Variants in FLI1 observed in about 807,000 individuals in gnomAD.
FLI1 encodes Fli-1 proto-oncogene, ETS transcription factor.
A neutral mutation model predicts 53.1 loss-of-function variants in FLI1; 13 were observed. The observed-to-expected ratio is 0.24, with a 90% CI of 0.16 to 0.39. FLI1 has a LOEUF of 0.39. Among genes scored for constraint, FLI1 ranks in the 10% least tolerant of loss-of-function variants. FLI1 has a pLI of 1.00. For synonymous variants in FLI1, 244 were observed against 236.7 expected, an observed-to-expected ratio of 1.03 and a Z score of -0.28; for missense variants, 424 against 600.5, an observed-to-expected ratio of 0.71 and a Z score of 3.07.
intron 1 of FLI1, among the ~76,000 whole-genome samples, chr11:128,710,747 TA>T (rs1244674171): frequency 2.6e-5 from 4 of 152,324 alleles, no homozygotes; most frequent in East Asian, 3.9e-4. Context: ...CTTAACTACA[TA>T]AAAAAATATA....
At chr11:128,739,977 C>A (rs1241918690) in intron 1 of FLI1, among the ~76,000 whole-genome samples, 1 of 152,180 alleles carries the variant, frequency 6.6e-6, no homozygotes, top group African/African-American at 2.4e-5. Flanking sequence ...GAGCCACTGG[C>A]AAGGTCTCTC....
chr11:128,744,255 C>T (rs113938935), intron 1 of FLI1, among the ~76,000 whole-genome samples: 3,442 of 152,242 alleles, frequency 0.023, 67 homozygotes, highest in Non-Finnish European at 0.033. Flanking sequence ...CAGCATAAAG[C>T]GGAACTGTTC....
At chr11:128,794,133 C>T (rs56275929) in intron 5 of FLI1, among the ~76,000 whole-genome samples, 15,366 of 152,268 alleles carry the variant, frequency 0.1, 932 homozygotes, top group East Asian at 0.27. Flanking sequence ...CCACTCCAGA[C>T]GACAGAGCGA....
intron 5 of FLI1, among the ~76,000 whole-genome samples, chr11:128,794,145 G>A (rs1368070801): frequency 1.3e-5 from 2 of 152,222 alleles, no homozygotes; most frequent in Non-Finnish European, 2.9e-5. Flanking sequence ...ACAGAGCGAG[G>A]ACTGCAGATG....
chr11:128,794,930 G>T (rs939012888), intron 5 of FLI1, among the ~76,000 whole-genome samples: 39 of 152,124 alleles, frequency 2.6e-4, no homozygotes, highest in African/African-American at 8.0e-4. Flanking sequence ...AAAAAAATTA[G>T]CCAGGCATGG....
At chr11:128,743,947 G>T (rs1237994321) in intron 1 of FLI1, among the ~76,000 whole-genome samples, 1 of 152,212 alleles carries the variant, frequency 6.6e-6, no homozygotes, top group Non-Finnish European at 1.5e-5. Flanking sequence ...AGTCAAGCAG[G>T]ATGTAGGCCA....
chr11:128,713,072 A>G lies in FLI1; in HGVS notation c.18+18796A>G, dbSNP rs188267405. On this transcript the variant is annotated intron_variant, in intron 1 of 8. Coordinates refer to ENST00000527786, the MANE Select transcript of FLI1 (RefSeq NM_002017.5). ...TGCGAAGGTCAATCCTGTGTCCATC[A>G]CTGAATGGCATAAATTTGTGAGGTG... is the stretch of plus-strand genomic sequence containing the variant. Among the ~76,000 whole-genome samples, 231 of 152,256 alleles carry G rather than the reference A, an allele frequency of 1.5e-3. 2 individuals are homozygous for G. The highest frequency in any genetic ancestry group is 5.4e-3 in the African/African-American group (224 of 41,534).
chr11:128,734,174 G>A (rs1939817930), intron 1 of FLI1, among the ~76,000 whole-genome samples: 1 of 152,218 alleles, frequency 6.6e-6, no homozygotes, highest in African/African-American at 2.4e-5. Context: ...TTAAACAGGG[G>A]AAGCTATAGA....
chr11:128,759,906 G>A (rs958527716), intron 2 of FLI1, among the ~76,000 whole-genome samples: 1 of 152,144 alleles, frequency 6.6e-6, no homozygotes, highest in Admixed American at 6.5e-5. Flanking sequence ...GAGAGAGAAG[G>A]GAATGAGCAT....
At chr11:128,765,611 C>T (rs1267983257) in intron 2 of FLI1, among the ~76,000 whole-genome samples, 3 of 152,192 alleles carry the variant, frequency 2.0e-5, no homozygotes, top group African/African-American at 7.2e-5. Context: ...AAGGGAAGAG[C>T]GTGCAGTGTG....
At chr11:128,721,554 A>G (rs1016864041) in intron 1 of FLI1, among the ~76,000 whole-genome samples, 2 of 152,158 alleles carry the variant, frequency 1.3e-5, no homozygotes, top group African/African-American at 4.8e-5. Context: ...CCAGCTGCTG[A>G]GCTGTAGAGA....
Position 128,760,806 on chromosome 11 carries a change from G to A in FLI1, c.230+2480G>A, listed in dbSNP as rs180909451. Among the ~76,000 whole-genome samples, 534 of 152,058 alleles carry A rather than the reference G, an allele frequency of 3.5e-3. 2 individuals carry two copies. Among genetic ancestry groups the A allele is most frequent in the African/African-American group, 0.012 (496 of 41,476 alleles). Reference sequence around the variant, plus strand: ...CTCCCAAAGTGCTGGGATTACAGGCGTGAGCCACCGCACCCAGCTTTGTTG... The same window carrying A: ...CTCCCAAAGTGCTGGGATTACAGGCATGAGCCACCGCACCCAGCTTTGTTG... On this transcript the variant is annotated intron_variant, in intron 2 of 8. Transcript: ENST00000527786.
chr11:128,778,257 G>T (rs959212526), intron 4 of FLI1, among the ~76,000 whole-genome samples: 1 of 152,104 alleles, frequency 6.6e-6, no homozygotes, highest in African/African-American at 2.4e-5. Context: ...CAAAAATCAT[G>T]AAGTGCGCTA....
chr11:128,803,664 A>G (rs991093959), intron 5 of FLI1, among the ~76,000 whole-genome samples: 5 of 152,118 alleles, frequency 3.3e-5, no homozygotes, highest in Non-Finnish European at 7.4e-5. Context: ...CTATTACTTC[A>G]CACCCACTCC....
At chr11:128,780,544 G>A (rs1213165692) in intron 4 of FLI1, among the ~76,000 whole-genome samples, 1 of 152,244 alleles carries the variant, frequency 6.6e-6, no homozygotes, top group Non-Finnish European at 1.5e-5. Context: ...GCAGTGAACT[G>A]AGATCGCGCC....
chr11:128,781,121 C>A (rs561950808), intron 4 of FLI1, among the ~76,000 whole-genome samples: 1 of 152,294 alleles, frequency 6.6e-6, no homozygotes, highest in South Asian at 2.1e-4. Flanking sequence ...GATTGGATAT[C>A]AGCATTCTGA....
At chr11:128,772,558 C>T (rs989132855) in intron 3 of FLI1, among the ~76,000 whole-genome samples, 23 of 152,318 alleles carry the variant, frequency 1.5e-4, no homozygotes, top group Admixed American at 4.6e-4. Context: ...TGTCAGGATA[C>T]GTAGTGAGGC....
At chr11:128,728,889 G>T (rs544002226) in intron 1 of FLI1, among the ~76,000 whole-genome samples, 16 of 152,320 alleles carry the variant, frequency 1.1e-4, no homozygotes, top group African/African-American at 3.8e-4. Flanking sequence ...GAAATGAGAG[G>T]AACCTACAAC....
intron 1 of FLI1, among the ~76,000 whole-genome samples, chr11:128,711,813 T>C (rs1938793891): frequency 6.6e-6 from 1 of 152,250 alleles, no homozygotes. Context: ...TTTGCTTTTC[T>C]AGTTCCCAGA....
Sources: gnomAD v4.1 joint callset for allele counts (sites outside exome capture counted in the v4.1 genomes callset) on GRCh38, gnomAD v4.1.1 for gene constraint, MANE v1.5 for transcripts, NCBI Gene and HGNC (gene_info 2026-07-23, HGNC 2026-07-21) for gene names.